The following RAD51B variants were observed in gnomAD, a reference collection of about 807,000 sequenced individuals.
RAD51B encodes RAD51 paralog B, also known as DNA repair protein RAD51 homolog 2.
A neutral mutation model predicts 42.2 loss-of-function variants in RAD51B; 38 were observed. The ratio of observed to expected loss-of-function variants is 0.90; its 90% CI spans 0.70 to 1.18. The LOEUF (loss-of-function observed/expected upper bound fraction) is 1.18. RAD51B is among the 50% of genes most tolerant of loss of function. RAD51B has a pLI of 0.00. For synonymous variants in RAD51B, 154 were observed against 145.2 expected, an observed-to-expected ratio of 1.06 and a Z score of -0.43; for missense variants, 373 against 400.7, an observed-to-expected ratio of 0.93 and a Z score of 0.59.
chr14:67,840,720 A>G (rs942438909), intron 4 of RAD51B, among the ~76,000 whole-genome samples: 1 of 152,038 alleles, frequency 6.6e-6, no homozygotes, highest in Non-Finnish European at 1.5e-5. Flanking sequence ...TCCTTTGCAC[A>G]GTGATTGAAC....
chr14:67,843,265 A>C (rs190681130), intron 4 of RAD51B, among the ~76,000 whole-genome samples: 1 of 150,170 alleles, frequency 6.7e-6, no homozygotes, highest in Admixed American at 6.6e-5. Context: ...GTCATTTTGC[A>C]TTAGGTATAT....
intron 9 of RAD51B, among the ~76,000 whole-genome samples, chr14:68,448,868 C>T (rs1555411669): frequency 6.6e-6 from 1 of 150,896 alleles, no homozygotes; most frequent in African/African-American, 2.4e-5. Context: ...AAATGGAAAA[C>T]AAAAAAGTAA....
At position 68,188,039 on chromosome 14, in the gene RAD51B, T is replaced by A. The variant is rs561436299; in HGVS notation, c.757-103845T>A. 9.9e-5 allele frequency among the ~76,000 whole-genome samples: 15 copies of A among 152,274 alleles called. No individual in the cohort carries two copies. The South Asian group carries it at 2.9e-3, about 29-fold the overall frequency. On this transcript the variant is annotated intron_variant, in intron 7 of 10. Transcript: ENST00000471583. ...CATGTTAACCAAGCTGGTCTTGAAC[T>A]CCTGACCTCAAGTCATCCACCCGCC...
intron 5 of RAD51B, among the ~76,000 whole-genome samples, chr14:67,871,785 A>G (rs1453452694): frequency 6.6e-6 from 1 of 152,128 alleles, no homozygotes; most frequent in Non-Finnish European, 1.5e-5. Context: ...GGTTCAATAT[A>G]TGCAAATCAA....
At chr14:68,137,509 T>C (rs1274555621) in intron 7 of RAD51B, among the ~76,000 whole-genome samples, 1 of 152,216 alleles carries the variant, frequency 6.6e-6, no homozygotes, top group Non-Finnish European at 1.5e-5. Context: ...TCATTATCTT[T>C]AATAGTTGCA....
At chr14:68,486,536 C>T (rs185762648) in intron 10 of RAD51B, among the ~76,000 whole-genome samples, 305 of 152,286 alleles carry the variant, frequency 2.0e-3, no homozygotes, top group Non-Finnish European at 2.9e-3. Flanking sequence ...TGTGCCCCTC[C>T]GGAGTTAATC....
intron 10 of RAD51B, among the ~76,000 whole-genome samples, chr14:68,574,839 G>T (rs535059616): frequency 6.6e-6 from 1 of 152,310 alleles, no homozygotes; most frequent in African/African-American, 2.4e-5. Flanking sequence ...CAGAGAAGGG[G>T]GAAAGCCTGC....
At chr14:68,273,367 G>A (rs925057445) in intron 7 of RAD51B, among the ~76,000 whole-genome samples, 9 of 152,146 alleles carry the variant, frequency 5.9e-5, no homozygotes, top group Non-Finnish European at 1.0e-4. Flanking sequence ...CAAAGCTCCC[G>A]GACCAGGCTG....
intron 10 of RAD51B, among the ~76,000 whole-genome samples, chr14:68,515,794 T>TC (rs1886108629): frequency 5.6e-5 from 8 of 141,676 alleles, no homozygotes; most frequent in Non-Finnish European, 9.2e-5. Flanking sequence ...TTTTTTTTTT[T>TC]TGAGACAGAG....
At chr14:68,534,742 G>A (rs967248447) in intron 10 of RAD51B, among the ~76,000 whole-genome samples, 3 of 151,606 alleles carry the variant, frequency 2.0e-5, no homozygotes, top group Non-Finnish European at 2.9e-5. Flanking sequence ...CTGTCCTCCC[G>A]CTCCCACCCC....
intron 10 of RAD51B, among the ~76,000 whole-genome samples, chr14:68,534,797 T>A (rs917338484): frequency 4.6e-5 from 7 of 152,196 alleles, no homozygotes; most frequent in Non-Finnish European, 7.3e-5. Flanking sequence ...TTGCCTATTT[T>A]GTTCATTGAT....
At chr14:68,123,664 T>C (rs1465170454) in intron 7 of RAD51B, among the ~76,000 whole-genome samples, 1 of 151,760 alleles carries the variant, frequency 6.6e-6, no homozygotes, top group Non-Finnish European at 1.5e-5. Flanking sequence ...AAAAATTAGC[T>C]CGGCATGGTG....
chr14:68,592,158 TC>T (rs1053044383), intron 10 of RAD51B, among the ~76,000 whole-genome samples: 4 of 151,864 alleles, frequency 2.6e-5, no homozygotes, highest in African/African-American at 9.7e-5. Flanking sequence ...CTAAACCCCC[TC>T]CCCCGCAGCT....
intron 7 of RAD51B, among the ~76,000 whole-genome samples, chr14:68,102,178 C>A (rs1025979298): frequency 2.0e-5 from 3 of 152,128 alleles, no homozygotes; most frequent in African/African-American, 7.2e-5. Context: ...ACCATTTTTC[C>A]CTCCTAGGCC....
At chr14:68,519,545 A>G (rs947195237) in intron 10 of RAD51B, among the ~76,000 whole-genome samples, 5 of 152,184 alleles carry the variant, frequency 3.3e-5, no homozygotes, top group South Asian at 4.1e-4. Context: ...ATGACAGGAA[A>G]AGAGGTGGGA....
chr14:68,461,101 G>T (rs965577261), intron 9 of RAD51B, among the ~76,000 whole-genome samples: 5 of 151,966 alleles, frequency 3.3e-5, no homozygotes, highest in Non-Finnish European at 5.9e-5. Context: ...AAACAGTAAA[G>T]AAAACTAATA....
chr14:68,646,802 T>A (rs891751073), intron 10 of RAD51B, among the ~76,000 whole-genome samples: 2 of 152,218 alleles, frequency 1.3e-5, no homozygotes, highest in African/African-American at 4.8e-5. Flanking sequence ...CTAATTTGCT[T>A]CAGCTATATT....
chr14:68,480,145 C>T (rs1594895718), downstream of RAD51B, among the ~76,000 whole-genome samples: 1 of 151,988 alleles, frequency 6.6e-6, no homozygotes, highest in Admixed American at 6.5e-5. Flanking sequence ...TGATCTTGGC[C>T]CACTGCAACC....
intron 7 of RAD51B, among the ~76,000 whole-genome samples, chr14:67,960,666 T>C (rs958377997): frequency 1.3e-5 from 2 of 152,160 alleles, no homozygotes; most frequent in African/African-American, 2.4e-5. Flanking sequence ...ACTGCCTTTT[T>C]TCTTTCTTTT....
Sources: allele counts gnomAD v4.1 joint callset (sites outside exome capture counted in the v4.1 genomes callset), GRCh38; gene constraint gnomAD v4.1.1; transcripts MANE v1.5; gene names NCBI Gene and HGNC (gene_info 2026-07-23, HGNC 2026-07-21).